Variants in RGS7 observed in about 807,000 individuals in gnomAD.
The protein encoded by RGS7 is regulator of G-protein signaling 7.
Under a neutral mutation model 81.1 loss-of-function variants are expected in RGS7, and 27 were observed. That is an observed-to-expected ratio of 0.33 (90% CI 0.25 to 0.46). RGS7 has a LOEUF of 0.46. Ranked by LOEUF, RGS7 falls within the 20% of genes least tolerant of loss-of-function variation. The pLI is 1.00. For missense variants in RGS7, 396 were observed against 607.4 expected (o/e 0.65, Z 3.66); for synonymous variants, 208 against 207.7 (o/e 1.00, Z -0.01).
chr1:241,073,905 C>CTT (rs200571282), intron 3 of RGS7, among the ~76,000 whole-genome samples: 8 of 141,598 alleles, frequency 5.6e-5, no homozygotes, highest in East Asian at 2.0e-4. Context: ...CTCTTCGTTC[C>CTT]TTTTTTTTTT....
intron 3 of RGS7, among the ~76,000 whole-genome samples, chr1:241,005,019 C>G (rs2058610743): frequency 6.6e-6 from 1 of 152,282 alleles, no homozygotes; most frequent in Middle Eastern, 3.4e-3. Flanking sequence ...AGTGCTAGGA[C>G]AGACTTAAGA....
chr1:241,056,367 C>T (rs968033025), intron 3 of RGS7, among the ~76,000 whole-genome samples: 4 of 152,204 alleles, frequency 2.6e-5, no homozygotes, highest in Non-Finnish European at 5.9e-5. Flanking sequence ...GTTTCAGCTT[C>T]TTCTTAGCAC....
At chr1:241,059,460 T>C (rs1224948087) in intron 3 of RGS7, among the ~76,000 whole-genome samples, 1 of 152,200 alleles carries the variant, frequency 6.6e-6, no homozygotes, top group African/African-American at 2.4e-5. Context: ...GATAGGAATT[T>C]GCAGTACCTA....
At chr1:240,875,385 A>G (rs1473669083) in intron 6 of RGS7, among the ~76,000 whole-genome samples, 3 of 152,184 alleles carry the variant, frequency 2.0e-5, no homozygotes, top group Admixed American at 6.5e-5. Flanking sequence ...AAGGCTGAAT[A>G]GTATTTCATT....
At chr1:240,878,073 C>T (rs770741217) in intron 6 of RGS7, among the ~76,000 whole-genome samples, 2 of 152,134 alleles carry the variant, frequency 1.3e-5, no homozygotes, top group African/African-American at 2.4e-5. Flanking sequence ...TCACCTTCCA[C>T]CCTGCCTGAG....
intron 2 of RGS7, among the ~76,000 whole-genome samples, chr1:241,256,492 C>T (rs2077055937): frequency 6.6e-6 from 1 of 152,176 alleles, no homozygotes; most frequent in Non-Finnish European, 1.5e-5. Context: ...TTTACAATTT[C>T]TTCAAGCAAC....
At position 241,220,958 on chromosome 1, in the gene RGS7, G is replaced by GAAGAAGC. The variant is rs1367375726; in HGVS notation, c.79-122197_79-122196insGCTTCTT. Among the ~76,000 whole-genome samples, 20 of 43,266 alleles carry GAAGAAGC rather than the reference G, an allele frequency of 4.6e-4. No individual in the cohort carries two copies. The Middle Eastern group carries it at 0.029, about 62-fold the overall frequency. 28.4% of individuals were successfully genotyped at this position (43,266 alleles called of 152,430 possible). A position where few individuals can be genotyped will look rare whatever the true frequency, so the allele number is the denominator to read the frequency against. Reference sequence around the variant, plus strand: ...AGGAAGGAAGGAAGAAGCAAGGAAGGAAGGAAGGAAGGAAGGAAGGAAGGA... The same window carrying GAAGAAGC: ...AGGAAGGAAGGAAGAAGCAAGGAAGGAAGAAGCAAGGAAGGAAGGAAGGAAGGAAGGA... On this transcript the variant is annotated intron_variant, in intron 2 of 18. Coordinates refer to ENST00000440928, the MANE Select transcript of RGS7 (RefSeq NM_001364886.1).
At chr1:241,309,081 A>G (rs1310436424) in intron 2 of RGS7, among the ~76,000 whole-genome samples, 1 of 152,142 alleles carries the variant, frequency 6.6e-6, no homozygotes, top group Non-Finnish European at 1.5e-5. Context: ...AATGCAAGTC[A>G]TCTTTAGAAA....
intron 9 of RGS7, among the ~76,000 whole-genome samples, chr1:240,851,853 G>A (rs1427760916): frequency 6.6e-6 from 1 of 152,176 alleles, no homozygotes. Flanking sequence ...TGACTGAATT[G>A]TTGAACCTCA....
intron 9 of RGS7, among the ~76,000 whole-genome samples, chr1:240,860,467 C>A (rs1662002008): frequency 6.6e-6 from 1 of 152,012 alleles, no homozygotes; most frequent in African/African-American, 2.4e-5. Context: ...TCCTCTTTAT[C>A]TCTGATAATT....
At chr1:240,920,723 C>T (rs181407619) in intron 6 of RGS7, 7 of 608,112 alleles carry the variant, frequency 1.2e-5, no homozygotes, top group South Asian at 4.5e-5. Flanking sequence ...GGCCTAGCTG[C>T]TACAAAGAAG....
chr1:240,984,415 T>G (rs748512741), intron 3 of RGS7, among the ~76,000 whole-genome samples: 11 of 152,158 alleles, frequency 7.2e-5, no homozygotes, highest in Non-Finnish European at 1.2e-4. Context: ...TTCAGGACTT[T>G]ACGACTAATT....
Position 240,964,476 on chromosome 1 carries a change from T to C in RGS7, c.226+18603A>G, listed in dbSNP as rs549931889. ...ATTGATCCAGGATCAGAAACTCTCT[T>C]GGTGGATGCACTGGGAAACCAAGAC... is the stretch of plus-strand genomic sequence containing the variant. On this transcript the variant is annotated intron_variant, in intron 4 of 18. Transcript: ENST00000440928. Among the ~76,000 whole-genome samples the C allele has an allele frequency of 2.0e-5, 3 of 152,256 alleles. No individual in the cohort carries two copies. In the South Asian group the frequency reaches 6.2e-4, roughly 32 times the overall value.
At chr1:241,006,908 TTTC>T (rs374255096) in intron 3 of RGS7, among the ~76,000 whole-genome samples, 11 of 152,054 alleles carry the variant, frequency 7.2e-5, no homozygotes, top group Non-Finnish European at 1.5e-4. Context: ...GCACTTTCTC[TTTC>T]TTCTTCTTCT....
intron 18 of RGS7, among the ~76,000 whole-genome samples, chr1:240,779,099 T>TG (rs1683500909): frequency 2.1e-5 from 3 of 144,194 alleles, no homozygotes; most frequent in African/African-American, 7.7e-5. Context: ...TTAGTGTTCT[T>TG]TGTGTGTGTG....
intron 3 of RGS7, among the ~76,000 whole-genome samples, chr1:241,030,896 T>G (rs180818352): frequency 3.3e-5 from 5 of 152,252 alleles, no homozygotes; most frequent in Admixed American, 3.3e-4. Flanking sequence ...CCAAGTGACA[T>G]CCCTTTGAAA....
intron 2 of RGS7, among the ~76,000 whole-genome samples, chr1:241,226,909 C>G (rs1039849570): frequency 2.0e-5 from 3 of 152,182 alleles, no homozygotes; most frequent in Non-Finnish European, 4.4e-5. Context: ...AGGTACTCCC[C>G]TCTTTTTTTC....
intron 3 of RGS7, among the ~76,000 whole-genome samples, chr1:241,005,200 T>G (rs1001592243): frequency 4.6e-5 from 7 of 152,140 alleles, no homozygotes; most frequent in Admixed American, 1.3e-4. Context: ...TCTATGAAGT[T>G]GCTCAAAACA....
intron 3 of RGS7, among the ~76,000 whole-genome samples, chr1:241,031,192 C>T (rs1018565501): frequency 6.6e-6 from 1 of 152,122 alleles, no homozygotes; most frequent in Non-Finnish European, 1.5e-5. Flanking sequence ...CTGTTTTGCT[C>T]CTACTTACAA....
Sources: gnomAD v4.1 joint callset for allele counts (sites outside exome capture counted in the v4.1 genomes callset) on GRCh38, gnomAD v4.1.1 for gene constraint, MANE v1.5 for transcripts, NCBI Gene and HGNC (gene_info 2026-07-23, HGNC 2026-07-21) for gene names.